Variants in EVA1C observed in about 807,000 individuals in gnomAD.
EVA1C encodes the protein eva-1 homolog C, also known as protein eva-1 homolog C.
A neutral mutation model predicts 45.4 loss-of-function variants in EVA1C; 25 were observed. That is an observed-to-expected ratio of 0.55 (90% CI 0.40 to 0.77). The LOEUF (loss-of-function observed/expected upper bound fraction) is 0.77. Ranked by LOEUF, EVA1C falls within the 30% of genes least tolerant of loss-of-function variation. EVA1C has a pLI of 0.00. For missense variants in EVA1C, 479 were observed against 554.8 expected, an observed-to-expected ratio of 0.86 and a Z score of 1.37; for synonymous variants, 190 against 221.2, an observed-to-expected ratio of 0.86 and a Z score of 1.25.
chr21:32,424,051 T>A (rs577267037), intron 1 of EVA1C, among the ~76,000 whole-genome samples: 17 of 152,220 alleles, frequency 1.1e-4, no homozygotes, highest in African/African-American at 4.1e-4. Flanking sequence ...TACAAATGAG[T>A]CCCTTTTCCC....
chr21:32,492,606 C>T (rs187277724), intron 4 of EVA1C, among the ~76,000 whole-genome samples: 2 of 152,214 alleles, frequency 1.3e-5, no homozygotes, highest in East Asian at 3.9e-4. Context: ...TTCACAGCAC[C>T]AGCCCTTGGC....
At chr21:32,512,833 T>C (rs1253946537) in intron 7 of EVA1C, among the ~76,000 whole-genome samples, 1 of 151,680 alleles carries the variant, frequency 6.6e-6, no homozygotes, top group Non-Finnish European at 1.5e-5. Flanking sequence ...AGGAGAGGGT[T>C]TGGAGAGGAC....
chr21:32,498,605 A>T (rs1047256320), intron 5 of EVA1C, among the ~76,000 whole-genome samples: 2 of 151,874 alleles, frequency 1.3e-5, no homozygotes, highest in African/African-American at 4.8e-5. Flanking sequence ...GGCCTAATTT[A>T]GCTTGGGGGT....
At chr21:32,453,248 C>A in intron 1 of EVA1C, 64 bp from the exon 2 acceptor site, 1 of 1,265,508 alleles carries the variant, frequency 7.9e-7, no homozygotes, top group Non-Finnish European at 1.1e-6. Context: ...GTCCTCCTGT[C>A]CCCAAACCCA....
At chr21:32,508,022 T>TAC (rs2037829762) in intron 7 of EVA1C, among the ~76,000 whole-genome samples, 1 of 152,102 alleles carries the variant, frequency 6.6e-6, no homozygotes, top group Non-Finnish European at 1.5e-5. Context: ...TGCATGTGTG[T>TAC]GCATGCACAT....
At chr21:32,491,517 C>T (rs1672316025) in intron 4 of EVA1C, among the ~76,000 whole-genome samples, 1 of 151,534 alleles carries the variant, frequency 6.6e-6, no homozygotes, top group Non-Finnish European at 1.5e-5. Context: ...GGTGAAACCC[C>T]GTCTCTACTA....
rs1555867881 is a variant in EVA1C at position 32,475,879 on chromosome 21, T to TTATCTACC, written c.634+8037_634+8038insCCTATCTA. 2.6e-4 allele frequency among the ~76,000 whole-genome samples: 26 copies of TTATCTACC among 100,484 alleles called. 1 individual carries two copies. Among genetic ancestry groups the TTATCTACC allele is most frequent in the African/African-American group, 1.0e-3 (24 of 23,690 alleles). The allele number at this position is 100,484 out of a possible 152,430, so 65.9% of individuals were successfully genotyped here. A position where few individuals can be genotyped will look rare whatever the true frequency, so the allele number is the denominator to read the frequency against. ...CTTCACAGAGTTCTTTCTAAAAACT[T>TTATCTACC]TATCTATCTATCTATCTATCTATCT... is the stretch of plus-strand genomic sequence containing the variant. On this transcript the variant is annotated intron_variant, in intron 4 of 7. Transcript: ENST00000300255.
Position 32,458,198 on chromosome 21 carries a change from G to A in EVA1C, c.481+478G>A, listed in dbSNP as rs185419943. 1.5e-4 allele frequency among the ~76,000 whole-genome samples: 23 copies of A among 152,240 alleles called. No homozygotes were observed. In the East Asian group the frequency reaches 3.3e-3, roughly 22 times the overall value. ...ACCAGCTCCTCCCGCCCTCACCCAC[G>A]GCAGGGGCTCCTTGTTCCCCAGGAG... On this transcript the variant is annotated intron_variant, in intron 3 of 7. Coordinates refer to ENST00000300255, the MANE Select transcript of EVA1C (RefSeq NM_058187.5).
intron 7 of EVA1C, among the ~76,000 whole-genome samples, chr21:32,507,631 T>C (rs532326265): frequency 1.3e-5 from 2 of 151,810 alleles, no homozygotes; most frequent in African/African-American, 4.8e-5. Context: ...TGCGTATCTG[T>C]GTGTGCATGG....
At chr21:32,514,275 T>G (rs1485103657) in intron 7 of EVA1C, among the ~76,000 whole-genome samples, 1 of 152,204 alleles carries the variant, frequency 6.6e-6, no homozygotes, top group African/African-American at 2.4e-5. Context: ...CTAACATCTA[T>G]TATATTATTA....
At chr21:32,511,833 C>G (rs1387705261) in intron 7 of EVA1C, among the ~76,000 whole-genome samples, 1 of 152,060 alleles carries the variant, frequency 6.6e-6, no homozygotes, top group Non-Finnish European at 1.5e-5. Flanking sequence ...AGGTGTTGAC[C>G]AGGGACATTG....
At chr21:32,497,825 A>G (rs1203837152) in intron 5 of EVA1C, among the ~76,000 whole-genome samples, 1 of 152,048 alleles carries the variant, frequency 6.6e-6, no homozygotes, top group African/African-American at 2.4e-5. Flanking sequence ...GCAAAAAGAG[A>G]GTTGTGCAGA....
intron 7 of EVA1C, among the ~76,000 whole-genome samples, chr21:32,514,331 G>A (rs1347720067): frequency 1.3e-5 from 2 of 152,146 alleles, no homozygotes; most frequent in Non-Finnish European, 2.9e-5. Flanking sequence ...TTCTTCATGA[G>A]CTACTTCTAC....
intron 1 of EVA1C, among the ~76,000 whole-genome samples, chr21:32,434,593 A>AAAATAAATAAAT (rs202142414): frequency 2.0e-4 from 29 of 146,974 alleles, no homozygotes; most frequent in African/African-American, 6.5e-4. Flanking sequence ...TCCGTCTCAA[A>AAAATAAATAAAT]AAATAAATAA....
At chr21:32,513,083 TA>T in intron 7 of EVA1C, among the ~76,000 whole-genome samples, 1 of 150,204 alleles carries the variant, frequency 6.7e-6, no homozygotes, top group Middle Eastern at 3.6e-3. Context: ...ATTATTGTAA[TA>T]TAGTTGTTAC....
intron 7 of EVA1C, among the ~76,000 whole-genome samples, chr21:32,512,200 C>G (rs1017818651): frequency 5.3e-5 from 8 of 152,052 alleles, no homozygotes; most frequent in Admixed American, 2.0e-4. Context: ...TGGTCAAGGC[C>G]TCGCTCCTAT....
rs1284019054 is a variant in EVA1C, at chr21:32,474,732, C to T, written c.634+6884C>T. ...TCAGAGCCCCTCTGAAGTGAGGTGC[C>T]CACACTCGGCTCCCGAGGATGGATA... is the stretch of plus-strand genomic sequence containing the variant. On this transcript the variant is annotated intron_variant, in intron 4 of 7. Coordinates refer to ENST00000300255, the MANE Select transcript of EVA1C (RefSeq NM_058187.5). This position sits in a 1 kb window ranked among gnomAD's most constrained non-coding sequence, Gnocchi z 4.4. Among the ~76,000 whole-genome samples the T allele has an allele frequency of 6.6e-6, 1 of 152,186 alleles. No homozygotes were observed. Among genetic ancestry groups the T allele is most frequent in the Non-Finnish European group, 1.5e-5 (1 of 68,054 alleles).
chr21:32,458,482 C>CTTT (rs60556962), intron 3 of EVA1C, among the ~76,000 whole-genome samples: 2 of 142,640 alleles, frequency 1.4e-5, no homozygotes, highest in Non-Finnish European at 1.5e-5. Context: ...AAGTTAAGCA[C>CTTT]TTTTTTTTTT....
intron 4 of EVA1C, among the ~76,000 whole-genome samples, chr21:32,481,061 T>C (rs2036767409): frequency 6.6e-6 from 1 of 152,206 alleles, no homozygotes. Context: ...AGATATTCTT[T>C]AAAGGTTAAT....
Sources: gnomAD v4.1 joint callset for allele counts (sites outside exome capture counted in the v4.1 genomes callset) on GRCh38, gnomAD v4.1.1 for gene constraint, Gnocchi (gnomAD v3.1) non-coding constraint, MANE v1.5 for transcripts, NCBI Gene and HGNC (gene_info 2026-07-23, HGNC 2026-07-21) for gene names.